FHIT: variants seen among roughly 807,000 people sequenced by gnomAD.
FHIT encodes the protein bis(5'-adenosyl)-triphosphatase.
FHIT carries 19 observed loss-of-function variants against 17.9 expected under a neutral mutation model. The observed-to-expected ratio is 1.06, with a 90% CI of 0.74 to 1.56. The LOEUF (loss-of-function observed/expected upper bound fraction) is 1.56, where lower values mean the gene tolerates loss of function less well. Among genes scored for constraint, FHIT ranks in the 40% most tolerant of loss-of-function variants. The pLI is 0.00. For synonymous variants in FHIT, 81 were observed against 69.7 expected (o/e 1.16, Z -0.81); for missense variants, 248 against 189.2 (o/e 1.31, Z -1.82).
At chr3:60,850,366 T>TCTCTCG (rs1703108917) in intron 3 of FHIT, among the ~76,000 whole-genome samples, 1 of 142,232 alleles carries the variant, frequency 7.0e-6, no homozygotes, top group African/African-American at 2.6e-5. Flanking sequence ...TCTCTCTCTC[T>TCTCTCG]CATGCTCTGC....
At chr3:60,248,077 T>G (rs1425914571) in intron 5 of FHIT, among the ~76,000 whole-genome samples, 1 of 152,156 alleles carries the variant, frequency 6.6e-6, no homozygotes, top group Non-Finnish European at 1.5e-5. Flanking sequence ...TAACCATATC[T>G]AAAAATTGTC....
chr3:61,196,608 ACAG>A lies in FHIT; in HGVS notation c.-164+4006_-164+4008del, dbSNP rs536845132. ...AAAGTTCCTTTGTACAATCAAGGTCACAGCAGGAAGGAGATGACATCTTCACCT... is the reference window on the plus strand; with the variant it reads ...AAAGTTCCTTTGTACAATCAAGGTCACAGGAAGGAGATGACATCTTCACCT... On this transcript the variant is annotated intron_variant, in intron 2 of 9. Transcript: ENST00000492590. Among the ~76,000 whole-genome samples, 443 of 152,314 alleles carry A rather than the reference ACAG, an allele frequency of 2.9e-3. 3 individuals carry two copies. Among genetic ancestry groups the A allele is most frequent in the Middle Eastern group, 0.01 (3 of 294 alleles).
At chr3:60,630,044 G>T (rs528944327) in intron 4 of FHIT, among the ~76,000 whole-genome samples, 15 of 152,264 alleles carry the variant, frequency 9.9e-5, no homozygotes, top group Non-Finnish European at 1.6e-4. Context: ...AGGGCTATTT[G>T]TCTTATGTTA....
intron 5 of FHIT, among the ~76,000 whole-genome samples, chr3:60,532,317 A>T (rs1201741370): frequency 1.3e-5 from 2 of 152,210 alleles, no homozygotes; most frequent in Non-Finnish European, 2.9e-5. Flanking sequence ...AATTTTATTT[A>T]CAATGAAAGC....
chr3:60,529,267 G>C (rs903332849), intron 5 of FHIT, among the ~76,000 whole-genome samples: 28 of 152,024 alleles, frequency 1.8e-4, no homozygotes, highest in Middle Eastern at 3.2e-3. Context: ...AATTCTAAGA[G>C]TTGAACACAT....
intron 7 of FHIT, among the ~76,000 whole-genome samples, chr3:59,930,959 G>C (rs1705941825): frequency 1.3e-5 from 2 of 152,104 alleles, no homozygotes; most frequent in Non-Finnish European, 2.9e-5. Context: ...ACTGGAGATG[G>C]GTGGCCAAGG....
intron 8 of FHIT, among the ~76,000 whole-genome samples, chr3:59,759,404 T>C (rs944261795): frequency 6.6e-6 from 1 of 152,178 alleles, no homozygotes. Flanking sequence ...GGGGCTCATT[T>C]GCCCCATAGG....
chr3:60,172,519 G>A (rs981255463), intron 5 of FHIT, among the ~76,000 whole-genome samples: 6 of 151,374 alleles, frequency 4.0e-5, no homozygotes, highest in African/African-American at 9.7e-5. Flanking sequence ...CAGGTGATCC[G>A]CCTGCCTTGG....
At chr3:60,858,769 G>C (rs1703490122) in intron 3 of FHIT, among the ~76,000 whole-genome samples, 1 of 152,160 alleles carries the variant, frequency 6.6e-6, no homozygotes, top group Non-Finnish European at 1.5e-5. Flanking sequence ...TTGAAAGTCT[G>C]TGGCATTGAG....
chr3:61,009,220 AG>A (rs1402876258), intron 3 of FHIT, among the ~76,000 whole-genome samples: 1 of 152,200 alleles, frequency 6.6e-6, no homozygotes, highest in Non-Finnish European at 1.5e-5. Flanking sequence ...GACACTGACA[AG>A]GAACAGGAAG....
At chr3:61,168,559 G>A (rs555651153) in intron 2 of FHIT, among the ~76,000 whole-genome samples, 24 of 152,262 alleles carry the variant, frequency 1.6e-4, no homozygotes, top group Middle Eastern at 3.4e-3. Flanking sequence ...GATTTATCAC[G>A]TCTTAACTTG....
At chr3:60,741,622 CA>C (rs1316396363) in intron 4 of FHIT, among the ~76,000 whole-genome samples, 12 of 152,212 alleles carry the variant, frequency 7.9e-5, no homozygotes, top group Admixed American at 7.9e-4. Flanking sequence ...CCAGGCACTT[CA>C]AGTCCAGTTT....
At position 60,789,462 on chromosome 3, in the gene FHIT, G is replaced by A. The variant is rs568728899; in HGVS notation, c.-18+32457C>T. On this transcript the variant is annotated intron_variant, in intron 4 of 9. Coordinates refer to ENST00000492590, the MANE Select transcript of FHIT (RefSeq NM_002012.4). ...GAACCCAGGAGACAGAGGTTGCAGT[G>A]AGCCAAGATTGTGCCACTGCACTCC... Among the ~76,000 whole-genome samples the A allele has an allele frequency of 1.2e-4, 18 of 152,278 alleles. No homozygotes were observed. In the East Asian group the frequency reaches 3.3e-3, roughly 28 times the overall value.
chr3:60,688,743 A>C (rs1197145095), intron 4 of FHIT, among the ~76,000 whole-genome samples: 1 of 152,068 alleles, frequency 6.6e-6, no homozygotes, highest in African/African-American at 2.4e-5. Context: ...TGGTCAAATT[A>C]TCTAATTTTT....
At chr3:59,755,729 G>A (rs904702524) in intron 8 of FHIT, among the ~76,000 whole-genome samples, 5 of 152,150 alleles carry the variant, frequency 3.3e-5, no homozygotes, top group South Asian at 2.1e-4. Flanking sequence ...CACACCAAAC[G>A]GCTGATTCTT....
At chr3:59,957,377 C>A (rs112626491) in intron 7 of FHIT, among the ~76,000 whole-genome samples, 1 of 152,236 alleles carries the variant, frequency 6.6e-6, no homozygotes, top group African/African-American at 2.4e-5. Flanking sequence ...CAGGGGAAAT[C>A]AACTCTGCTG....
intron 8 of FHIT, among the ~76,000 whole-genome samples, chr3:59,776,401 G>C (rs377499884): frequency 7.9e-5 from 12 of 152,184 alleles, no homozygotes; most frequent in African/African-American, 2.9e-4. Context: ...ACAAAAAGTG[G>C]CAAGACAGGC....
chr3:60,265,806 C>T (rs1576391652), intron 5 of FHIT, among the ~76,000 whole-genome samples: 1 of 151,486 alleles, frequency 6.6e-6, no homozygotes, highest in African/African-American at 2.4e-5. Flanking sequence ...ACTCAGATGG[C>T]CAATACGCAA....
chr3:60,569,765 T>TTTTTTTTTAGACAGAG, intron 4 of FHIT, among the ~76,000 whole-genome samples: 1 of 61,902 alleles, frequency 1.6e-5, no homozygotes, highest in South Asian at 6.4e-4. Context: ...ATTTTTTTTT[T>TTTTTTTTTAGACAGAG]TTTTAGACAG....
Sources: allele counts gnomAD v4.1 joint callset (sites outside exome capture counted in the v4.1 genomes callset), GRCh38; gene constraint gnomAD v4.1.1; transcripts MANE v1.5; gene names NCBI Gene and HGNC (gene_info 2026-07-23, HGNC 2026-07-21).